Variants in PRKD3 observed in about 807,000 individuals in gnomAD.
PRKD3 encodes the protein protein kinase D3, also known as serine/threonine-protein kinase D3.
PRKD3 carries 47 observed loss-of-function variants against 99.2 expected under a neutral mutation model. The ratio of observed to expected loss-of-function variants is 0.47; its 90% CI spans 0.38 to 0.60. The LOEUF (loss-of-function observed/expected upper bound fraction) is 0.60, where lower values mean the gene tolerates loss of function less well. Ranked by LOEUF, PRKD3 falls within the 20% of genes least tolerant of loss-of-function variation. The probability of loss-of-function intolerance (pLI) is 0.00; values close to 1 mark genes in which losing one functional copy is unlikely to be tolerated. For missense variants in PRKD3, 1,019 were observed against 1,088.4 expected, an observed-to-expected ratio of 0.94 and a Z score of 0.90; for synonymous variants, 392 against 355.4, an observed-to-expected ratio of 1.10 and a Z score of -1.16.
At chr2:37,267,087 TAAAG>T (rs1668895671) in intron 14 of PRKD3, among the ~76,000 whole-genome samples, 1 of 152,200 alleles carries the variant, frequency 6.6e-6, no homozygotes, top group African/African-American at 2.4e-5. Flanking sequence ...TACATAATTT[TAAAG>T]CAATCTTTAC....
Position 37,252,847 on chromosome 2 carries a change from T to TATATATA in PRKD3, c.*329_*330insTATATAT, listed in dbSNP as rs1667612720. 1 of 145,014 alleles carries TATATATA rather than the reference T, an allele frequency of 6.9e-6. No individual in the cohort carries two copies. Among genetic ancestry groups the TATATATA allele is most frequent in the African/African-American group, 2.5e-5 (1 of 39,976 alleles). 9.0% of individuals were successfully genotyped at this position (145,014 alleles called of 1,614,324 possible). ...AAAACAAACAAACATATATTTATAT[T>TATATATA]TATATATATATATATAAAGAGAAAT... On this transcript the variant is annotated 3_prime_UTR_variant, in exon 19 of 19. Transcript: ENST00000234179.
rs1185857918 is a variant in PRKD3, at chr2:37,251,606, CCAGAA to C, written c.*1566_*1570del. The stretch of plus-strand genomic sequence containing the variant: ...AAGGCCTTCTCAGTCTGTTCATGTA[CCAGAA>C]CATTCTTTTTTTTTTTTGCTACCTC... On this transcript the variant is annotated 3_prime_UTR_variant, in exon 19 of 19. Transcript: ENST00000234179. 1 of 152,238 alleles carries C rather than the reference CCAGAA, an allele frequency of 6.6e-6. No individual in the cohort carries two copies. The highest frequency in any genetic ancestry group is 1.5e-5 in the Non-Finnish European group (1 of 68,014). The allele number at this position is 152,238 out of a possible 1,614,324, so 9.4% of individuals were successfully genotyped here.
Position 37,302,598 on chromosome 2 carries a change from G to T in PRKD3, c.289-9327C>A, listed in dbSNP as rs183782129. 1.5e-3 allele frequency among the ~76,000 whole-genome samples: 224 copies of T among 152,314 alleles called. 2 individuals are homozygous for T. Among genetic ancestry groups the T allele is most frequent in the Admixed American group, 2.9e-3 (45 of 15,306 alleles). On this transcript the variant is annotated intron_variant, in intron 2 of 18. Transcript: ENST00000234179. ...AGTTCATGTCGTTAAAATGCTGTCAGTAAAATGTCAGGCAAGGTAGGAAGC... is the reference window on the plus strand; with the variant it reads ...AGTTCATGTCGTTAAAATGCTGTCATTAAAATGTCAGGCAAGGTAGGAAGC...
At chr2:37,280,922 A>G (rs980443689) in intron 7 of PRKD3, among the ~76,000 whole-genome samples, 1 of 152,218 alleles carries the variant, frequency 6.6e-6, no homozygotes, top group Non-Finnish European at 1.5e-5. Context: ...AAATAAACAG[A>G]TAAGTAACCT....
rs1428584425 is a variant in PRKD3, at chr2:37,291,086, A to G, written c.428-87T>C. 3.3e-6 allele frequency: 4 copies of G among 1,227,008 alleles called. No individual in the cohort carries two copies. The African/African-American group carries it at 6.1e-5, about 19-fold the overall frequency. 76.0% of individuals were successfully genotyped at this position (1,227,008 alleles called of 1,614,324 possible). A position where few individuals can be genotyped will look rare whatever the true frequency, so the allele number is the denominator to read the frequency against. ...CTCACACATTCACTTATGTCAAAGT[A>G]CACAGAATCATTTTTTCTCTGAAAG... On this transcript the variant is annotated intron_variant, in intron 3 of 18. Coordinates refer to ENST00000234179, the MANE Select transcript of PRKD3 (RefSeq NM_005813.6).
intron 2 of PRKD3, among the ~76,000 whole-genome samples, chr2:37,296,024 C>T (rs549215557): frequency 6.6e-6 from 1 of 151,158 alleles, no homozygotes; most frequent in Non-Finnish European, 1.5e-5. Flanking sequence ...AGACAAGGAA[C>T]TTTCTCTCCA....
At chr2:37,260,054 A>G (rs1572613837) in intron 15 of PRKD3, among the ~76,000 whole-genome samples, 169 bp downstream of exon 15, 2 of 152,108 alleles carry the variant, frequency 1.3e-5, no homozygotes, top group African/African-American at 4.8e-5. Context: ...AATCCTAGAT[A>G]CTTGGGAGGC....
chr2:37,304,538 T>A (rs1240581643), intron 2 of PRKD3, among the ~76,000 whole-genome samples: 1 of 151,970 alleles, frequency 6.6e-6, no homozygotes, highest in Non-Finnish European at 1.5e-5. Context: ...GACAGGAGTT[T>A]GAGACCAGCC....
chr2:37,324,640 T>C (rs2124917876), intron 1 of PRKD3, 41 bp downstream of exon 1: 1 of 150,342 alleles, frequency 6.7e-6, no homozygotes, highest in East Asian at 2.0e-4. Flanking sequence ...GGCGCGAACT[T>C]TTTCGGTGTC....
intron 6 of PRKD3, among the ~76,000 whole-genome samples, chr2:37,282,908 C>G (rs1669918140): frequency 6.6e-6 from 1 of 152,158 alleles, no homozygotes; most frequent in Non-Finnish European, 1.5e-5. Context: ...GAGAGTTTCT[C>G]AAGCTGATTA....
chr2:37,262,752 CT>C (rs1668562871), intron 14 of PRKD3, among the ~76,000 whole-genome samples: 1 of 152,086 alleles, frequency 6.6e-6, no homozygotes, highest in Non-Finnish European at 1.5e-5. Context: ...ATTTTTCTCC[CT>C]TAACAACTTC....
At chr2:37,305,115 C>A (rs896825465) in intron 2 of PRKD3, among the ~76,000 whole-genome samples, 2 of 151,914 alleles carry the variant, frequency 1.3e-5, no homozygotes, top group African/African-American at 2.4e-5. Flanking sequence ...GAAAAAAAAA[C>A]AACATAGAAT....
chr2:37,304,196 T>TAAAAAAAAAAAA (rs70949750), intron 2 of PRKD3, among the ~76,000 whole-genome samples: 1 of 93,972 alleles, frequency 1.1e-5, no homozygotes, highest in Non-Finnish European at 2.1e-5. Context: ...AGGTACTTAC[T>TAAAAAAAAAAAA]AAAAAAAAAA....
chr2:37,256,780 G>T lies in PRKD3; in HGVS notation c.2295C>A (p.Ile765=). 6.2e-7 allele frequency: 1 copy of T among 1,613,690 alleles called. No individual in the cohort carries two copies. The highest frequency in any genetic ancestry group is 2.2e-5 in the East Asian group (1 of 44,852). Reference sequence around the variant, plus strand: ...ATGTGCCACTGAGGCTCACATAGATGATAACTCCCACTGACCACATATCTA... The same window carrying T: ...ATGTGCCACTGAGGCTCACATAGATTATAACTCCCACTGACCACATATCTA... ...RSLDMWSVGV[I]IYVSLSGTFP... The change falls in exon 17 of 19, where the codon ATC becomes ATA. Residue 765 remains isoleucine, a synonymous_variant. Coordinates refer to ENST00000234179, the MANE Select transcript of PRKD3 (RefSeq NM_005813.6).
At chr2:37,307,448 G>A (rs936412262) in intron 2 of PRKD3, among the ~76,000 whole-genome samples, 1 of 152,092 alleles carries the variant, frequency 6.6e-6, no homozygotes, top group Non-Finnish European at 1.5e-5. Context: ...CTAAGGCACC[G>A]GATATATGAA....
chr2:37,253,304 C>T lies in PRKD3; in HGVS notation c.2546G>A (p.Gly849Glu), dbSNP rs776442361. The part of the protein sequence containing the change: ...LDLREFETRI[G>E]ERYITHESDD... ...ACTTTCATGTGTAATGTAACGTTCT[C>T]CAATGCGAGTTTCAAATTCTCTAAG... The change falls in exon 19 of 19, where the codon GGA becomes GAA. Residue 849 changes from glycine (G) to glutamate (E), a missense_variant. Physicochemically the swap from Gly to Glu is moderately conservative, Grantham distance 98. Transcript: ENST00000234179. The T allele has an allele frequency of 6.2e-7, 1 of 1,612,944 alleles. No homozygotes were observed. Among genetic ancestry groups the T allele is most frequent in the East Asian group, 2.2e-5 (1 of 44,828 alleles).
At chr2:37,281,066 G>A (rs1039701562) in intron 7 of PRKD3, among the ~76,000 whole-genome samples, 4 of 152,058 alleles carry the variant, frequency 2.6e-5, no homozygotes, top group Non-Finnish European at 4.4e-5. Context: ...ATACCACTTC[G>A]CACTACCTAG....
chr2:37,288,857 C>A lies in PRKD3; in HGVS notation c.717+499G>T, dbSNP rs1175407552. Among the ~76,000 whole-genome samples the A allele has an allele frequency of 3.3e-5, 5 of 152,022 alleles. No individual in the cohort carries two copies. In the South Asian group the frequency reaches 8.3e-4, roughly 25 times the overall value. ...GATCACGAGGTCAGGAATTCAAGAC[C>A]AGCCTGTCCAACATGGTGAAACCTC... On this transcript the variant is annotated intron_variant, in intron 5 of 18. Coordinates refer to ENST00000234179, the MANE Select transcript of PRKD3 (RefSeq NM_005813.6).
Position 37,260,338 on chromosome 2 carries a change from G to T in PRKD3, c.1931C>A (p.Thr644Asn), listed in dbSNP as rs761368997. Residue 644 changes from threonine (T) to asparagine (N), a missense_variant, in exon 15 of 19, where the codon ACC becomes AAC. Thr to Asn is a moderately conservative substitution (Grantham distance 65, BLOSUM62 0). Coordinates refer to ENST00000234179, the MANE Select transcript of PRKD3 (RefSeq NM_005813.6). ...CATTACTACAAAGACTCGTTCTGGGGTTTCAAACATACATTCCAGGTTTAC... is the reference window on the plus strand; with the variant it reads ...CATTACTACAAAGACTCGTTCTGGGTTTTCAAACATACATTCCAGGTTTAC... ...GIVNLECMFE[T>N]PERVFVVMEK... 1 of 1,611,246 alleles carries T rather than the reference G, an allele frequency of 6.2e-7. No individual in the cohort carries two copies. The highest frequency in any genetic ancestry group is 8.5e-7 in the Non-Finnish European group (1 of 1,177,524).
Sources: allele counts gnomAD v4.1 joint callset (sites outside exome capture counted in the v4.1 genomes callset), GRCh38; gene constraint gnomAD v4.1.1; transcripts MANE v1.5; gene names NCBI Gene and HGNC (gene_info 2026-07-23, HGNC 2026-07-21).